Variants in TMEM217B observed in about 807,000 individuals in gnomAD.
TMEM217B encodes putative transmembrane protein 217B.
the TMEM217B span, among the ~76,000 whole-genome samples, chr6:37,234,473 A>G: frequency 2.0e-5 from 3 of 152,202 alleles, no homozygotes; most frequent in African/African-American, 7.2e-5. Flanking sequence ...TCGTAAGTTG[A>G]GGAGTACCTG....
chr6:37,226,310 T>C, the TMEM217B span, among the ~76,000 whole-genome samples: 1 of 121,454 alleles, frequency 8.2e-6, no homozygotes, highest in African/African-American at 3.4e-5. Context: ...TTTTTTTTTT[T>C]GAGACAGAGT....
At chr6:37,249,780 A>G in the TMEM217B span, among the ~76,000 whole-genome samples, 1 of 152,220 alleles carries the variant, frequency 6.6e-6, no homozygotes, top group South Asian at 2.1e-4. Context: ...ACAAAAATGG[A>G]ACTCTCATCC....
chr6:37,246,310 G>T, the TMEM217B span, among the ~76,000 whole-genome samples: 30 of 149,692 alleles, frequency 2.0e-4, no homozygotes, highest in East Asian at 5.8e-3. Context: ...CCAGGCTTCA[G>T]TCTGGATTTT....
the TMEM217B span, among the ~76,000 whole-genome samples, chr6:37,232,409 G>A: frequency 6.6e-6 from 1 of 151,950 alleles, no homozygotes; most frequent in African/African-American, 2.4e-5. Flanking sequence ...TTTTTGAGAC[G>A]GAGTCTCGCT....
At chr6:37,231,799 A>C in the TMEM217B span, among the ~76,000 whole-genome samples, 1,609 of 145,412 alleles carry the variant, frequency 0.011, 25 homozygotes, top group African/African-American at 0.038. Flanking sequence ...TAAATGTACA[A>C]TTTTTTTTTT....
the TMEM217B span, among the ~76,000 whole-genome samples, chr6:37,216,694 C>G: frequency 2.0e-5 from 3 of 152,096 alleles, no homozygotes; most frequent in Admixed American, 1.3e-4. Flanking sequence ...TGACTGTCCC[C>G]TTCAAAATTC....
chr6:37,229,386 A>G, the TMEM217B span, among the ~76,000 whole-genome samples: 5 of 114,772 alleles, frequency 4.4e-5, no homozygotes, highest in Non-Finnish European at 8.1e-5. Flanking sequence ...TCTGTCGCCC[A>G]GGCTGGAGTG....
the TMEM217B span, among the ~76,000 whole-genome samples, chr6:37,235,556 T>A: frequency 2.0e-5 from 3 of 151,740 alleles, no homozygotes; most frequent in African/African-American, 7.3e-5. Flanking sequence ...TTAGTAGAGA[T>A]GGGGTTTCAC....
chr6:37,255,436 C>G, the TMEM217B span, among the ~76,000 whole-genome samples: 1 of 152,110 alleles, frequency 6.6e-6, no homozygotes, highest in East Asian at 1.9e-4. Flanking sequence ...AATACTAGCT[C>G]TCTGGGAGGC....
chr6:37,230,944 ATTGT>A, the TMEM217B span, among the ~76,000 whole-genome samples: 8 of 152,022 alleles, frequency 5.3e-5, no homozygotes, highest in Admixed American at 6.6e-5. Context: ...GTTTTTTGTT[ATTGT>A]TTGTTTTTGT....
At chr6:37,229,096 A>G in the TMEM217B span, among the ~76,000 whole-genome samples, 1 of 152,144 alleles carries the variant, frequency 6.6e-6, no homozygotes. Context: ...TTTCATAACA[A>G]TCTTGAGGAT....
At chr6:37,250,694 C>T in the TMEM217B span, among the ~76,000 whole-genome samples, 9 of 152,372 alleles carry the variant, frequency 5.9e-5, no homozygotes, top group South Asian at 8.3e-4. Context: ...CTCAGGCGTG[C>T]GTGTGCACGC....
the TMEM217B span, among the ~76,000 whole-genome samples, chr6:37,233,168 C>T: frequency 1.3e-4 from 19 of 149,964 alleles, no homozygotes; most frequent in Non-Finnish European, 2.2e-4. Context: ...CCTACTGTTT[C>T]TCTGGTCTTT....
chr6:37,218,431 C>A, the TMEM217B span: 2 of 1,601,854 alleles, frequency 1.2e-6, no homozygotes, highest in Non-Finnish European at 1.7e-6. Flanking sequence ...CCTACCTCTG[C>A]CTCTCAAAGT....
At chr6:37,213,939 C>T in the TMEM217B span, among the ~76,000 whole-genome samples, 2 of 152,174 alleles carry the variant, frequency 1.3e-5, no homozygotes, top group African/African-American at 2.4e-5. Flanking sequence ...CAGGGCTGTC[C>T]TCAGGCTGAC....
chr6:37,255,447 C>G, the TMEM217B span, among the ~76,000 whole-genome samples: 2 of 152,016 alleles, frequency 1.3e-5, no homozygotes, highest in African/African-American at 4.8e-5. Flanking sequence ...TCTGGGAGGC[C>G]AAAGGTGGTG....
the TMEM217B span, chr6:37,218,267 C>G: frequency 8.0e-7 from 1 of 1,243,758 alleles, no homozygotes; most frequent in African/African-American, 1.5e-5. Context: ...CCTCCCAGGT[C>G]AAGTGATTCT....
the TMEM217B span, among the ~76,000 whole-genome samples, chr6:37,252,395 C>A: frequency 1.3e-5 from 2 of 151,748 alleles, no homozygotes; most frequent in African/African-American, 4.8e-5. Context: ...GCTGGCAAAG[C>A]CTAAAAATAT....
At chr6:37,236,319 C>T in the TMEM217B span, among the ~76,000 whole-genome samples, 1 of 152,170 alleles carries the variant, frequency 6.6e-6, no homozygotes, top group South Asian at 2.1e-4. Context: ...GTTTTTTAGG[C>T]CCTGAACTAA....
Sources: allele counts gnomAD v4.1 joint callset (sites outside exome capture counted in the v4.1 genomes callset), GRCh38; gene constraint gnomAD v4.1.1; transcripts MANE v1.5; gene names NCBI Gene and HGNC (gene_info 2026-07-23, HGNC 2026-07-21).